The following MYO7A variants were observed in gnomAD, a reference collection of about 807,000 sequenced individuals.
The protein encoded by MYO7A is unconventional myosin-VIIa.
Under a neutral mutation model 263.8 loss-of-function variants are expected in MYO7A, and 210 were observed. The observed-to-expected ratio is 0.80, with a 90% confidence interval of 0.71 to 0.89. MYO7A has a LOEUF of 0.89. Among genes scored for constraint, MYO7A ranks in the 40% least tolerant of loss-of-function variants. The pLI, the probability that MYO7A is intolerant of heterozygous loss-of-function variation, is 0.00. For synonymous variants in MYO7A, 1,239 were observed against 1,197.3 expected (o/e 1.03, Z -0.72); for missense variants, 2,820 against 2,968.3 (o/e 0.95, Z 1.16).
chr11:77,172,802 C>A lies in MYO7A; in HGVS notation c.1852C>A (p.Leu618Met). ...ACTTAGCAGCCAGTTCAAGCGGTCA[C>A]TGGAGCTGCTGATGCGCACGCTGGG... ...PTLSSQFKRS[L>M]ELLMRTLGAC... The change falls in exon 16 of 49, where the codon CTG becomes ATG. Residue 618 changes from leucine to methionine, a missense_variant. Coordinates refer to ENST00000409709, the MANE Select transcript of MYO7A (RefSeq NM_000260.4). The A allele has an allele frequency of 6.4e-7, 1 of 1,556,702 alleles. No homozygotes were observed. The highest frequency in any genetic ancestry group is 8.7e-7 in the Non-Finnish European group (1 of 1,150,304).
chr11:77,133,270 G>A (rs1291907747), intron 2 of MYO7A, among the ~76,000 whole-genome samples: 1 of 152,168 alleles, frequency 6.6e-6, no homozygotes, highest in Non-Finnish European at 1.5e-5. Flanking sequence ...GCGCACCTGT[G>A]TGGCACACCT....
At chr11:77,183,930 A>G (rs570686831) in intron 26 of MYO7A, among the ~76,000 whole-genome samples, 3 of 152,292 alleles carry the variant, frequency 2.0e-5, no homozygotes, top group African/African-American at 7.2e-5. Context: ...CAAGGGACCC[A>G]GGGAAGAAAA....
chr11:77,204,586 G>A (rs764090651), intron 39 of MYO7A, among the ~76,000 whole-genome samples: 4 of 152,208 alleles, frequency 2.6e-5, no homozygotes, highest in Non-Finnish European at 4.4e-5. Context: ...AGGCTGGGCC[G>A]GCTGTCAGCT....
Position 77,172,847 on chromosome 11 carries a change from G to T in MYO7A, c.1897G>T (p.Val633Leu). ...RTLGACQPFF[V>L]RCIKPNEFKK... Reference sequence around the variant, plus strand: ...GCTGGGTGCCTGCCAGCCCTTCTTTGTGCGATGCATCAAGCCCAATGAGTT... The same window carrying T: ...GCTGGGTGCCTGCCAGCCCTTCTTTTTGCGATGCATCAAGCCCAATGAGTT... The change falls in exon 16 of 49, where the codon GTG becomes TTG. Residue 633 changes from valine to leucine, a missense_variant. Transcript: ENST00000409709. 3 of 1,552,266 alleles carry T rather than the reference G, an allele frequency of 1.9e-6. No individual in the cohort carries two copies. The highest frequency in any genetic ancestry group is 2.6e-6 in the Non-Finnish European group (3 of 1,147,372).
At chr11:77,202,276 AG>A (rs1271188033) in intron 36 of MYO7A, 23 bp from the exon 37 acceptor site, 1 of 1,569,380 alleles carries the variant, frequency 6.4e-7, no homozygotes, top group Non-Finnish European at 8.7e-7. Flanking sequence ...AGCTGACCTG[AG>A]CCCCCTGTCT....
Position 77,156,659 on chromosome 11 carries a change from G to A in MYO7A, c.471-1G>A, listed in dbSNP as rs548172627. ...GGTCCTGCCACTCCCTCCCTCTGCA[G>A]TGGGGAATCTGGGGCCGGGAAGACG... On this transcript the variant is annotated splice_acceptor_variant, in intron 5 of 48. Transcript: ENST00000409709. LOFTEE classifies it high-confidence loss of function. 2 of 1,613,798 alleles carry A rather than the reference G, an allele frequency of 1.2e-6. No individual in the cohort carries two copies. Among genetic ancestry groups the A allele is most frequent in the Admixed American group, 1.7e-5 (1 of 60,022 alleles).
At chr11:77,192,337 G>A (rs894724953) in intron 31 of MYO7A, 59 bp downstream of exon 31, 83 of 1,543,298 alleles carry the variant, frequency 5.4e-5, no homozygotes, top group Non-Finnish European at 6.9e-5. Context: ...TGCTTTCCAC[G>A]TTTGGGCTGA....
At position 77,162,410 on chromosome 11, in the gene MYO7A, A is replaced by T. The variant is rs530037336; in HGVS notation, c.1554+80A>T. 11 of 1,351,186 alleles carry T rather than the reference A, an allele frequency of 8.1e-6. No homozygotes were observed. The South Asian group carries it at 1.4e-4, about 17-fold the overall frequency. 83.7% of individuals were successfully genotyped at this position (1,351,186 alleles called of 1,614,324 possible). A position where few individuals can be genotyped will look rare whatever the true frequency, so the allele number is the denominator to read the frequency against. ...CCTGCTTTGAGCCCCGGCTTTCCTC[A>T]TCTGCAAAATAGGACTAATGATACC... On this transcript the variant is annotated intron_variant, in intron 13 of 48. Coordinates refer to ENST00000409709, the MANE Select transcript of MYO7A (RefSeq NM_000260.4).
rs121965081 is a variant in MYO7A, at chr11:77,157,000, G to A, written c.731G>A (p.Arg244His). The change falls in exon 7 of 49, where the codon CGC (arginine) becomes CAC (histidine). Residue 244 changes from arginine (R) to histidine (H), a missense_variant. Coordinates refer to ENST00000409709, the MANE Select transcript of MYO7A (RefSeq NM_000260.4). ...QYLLEKSRVCRQALDERNYHV... is the reference protein window; with the variant it reads ...QYLLEKSRVCHQALDERNYHV... ...CTGCTGGAAAAGTCACGTGTCTGTC[G>A]CCAGGTGGGCCTGAGCCCCAGGGAT... 695 of 1,612,286 alleles carry A rather than the reference G, an allele frequency of 4.3e-4. 1 individual carries two copies. The highest frequency in any genetic ancestry group is 5.6e-4 in the Non-Finnish European group (666 of 1,179,286).
chr11:77,205,653 G>A (rs1957399169), intron 40 of MYO7A, 36 bp downstream of exon 40: 1 of 1,610,746 alleles, frequency 6.2e-7, no homozygotes, highest in African/African-American at 1.3e-5. Context: ...CAGACACTGG[G>A]GCGGGCTCCT....
At chr11:77,191,895 A>AG (rs1216936461) in intron 30 of MYO7A, among the ~76,000 whole-genome samples, 156 bp from the exon 31 acceptor site, 1 of 152,232 alleles carries the variant, frequency 6.6e-6, no homozygotes, top group African/African-American at 2.4e-5. Flanking sequence ...CTTAGAGCCC[A>AG]GGGCTAGAAT....
chr11:77,189,080 G>A (rs553319114), intron 27 of MYO7A, among the ~76,000 whole-genome samples: 5 of 152,286 alleles, frequency 3.3e-5, no homozygotes, highest in South Asian at 4.1e-4. Flanking sequence ...AGCAGGATAC[G>A]CACCACCCTG....
chr11:77,208,821 CTA>C lies in MYO7A; in HGVS notation c.6051+19_6051+20del, dbSNP rs770539705. Reference sequence around the variant, plus strand: ...ATTACCAGGTGGGCACCTCTGCACTCTAGTTGCCTTCGTGCACAGCTAGCGTT... The same window carrying C: ...ATTACCAGGTGGGCACCTCTGCACTCGTTGCCTTCGTGCACAGCTAGCGTT... On this transcript the variant is annotated intron_variant, in intron 44 of 48. Coordinates refer to ENST00000409709, the MANE Select transcript of MYO7A (RefSeq NM_000260.4). 8.0e-6 allele frequency: 12 copies of C among 1,506,648 alleles called. No individual in the cohort carries two copies. The African/African-American group carries it at 1.7e-4, about 21-fold the overall frequency. The allele number at this position is 1,506,648 out of a possible 1,614,324, so 93.3% of individuals were successfully genotyped here.
rs1950988727 is a variant in MYO7A, at chr11:77,138,264, G to A, written c.19-4445G>A. Among the ~76,000 whole-genome samples, 1 of 143,400 alleles carries A rather than the reference G, an allele frequency of 7.0e-6. No individual in the cohort carries two copies. Among genetic ancestry groups the A allele is most frequent in the Admixed American group, 6.9e-5 (1 of 14,472 alleles). 94.1% of individuals were successfully genotyped at this position (143,400 alleles called of 152,430 possible). ...GGGCGGGCGGCGCGCACGGGATTAGGTGAATTAGGGAGCCGGAGCAGTGCC... is the reference window on the plus strand; with the variant it reads ...GGGCGGGCGGCGCGCACGGGATTAGATGAATTAGGGAGCCGGAGCAGTGCC... On this transcript the variant is annotated intron_variant, in intron 2 of 48. Coordinates refer to ENST00000409709, the MANE Select transcript of MYO7A (RefSeq NM_000260.4). This position sits in a 1 kb window ranked among gnomAD's most constrained non-coding sequence, Gnocchi z 4.9.
chr11:77,213,778 A>G (rs1958006688), intron 47 of MYO7A, 82 bp from the exon 48 acceptor site: 1 of 1,597,942 alleles, frequency 6.3e-7, no homozygotes, highest in Non-Finnish European at 8.6e-7. Context: ...TGAGGGCCTG[A>G]GGCCTTCTGT....
Position 77,192,284 on chromosome 11 carries a change from TG to T in MYO7A, c.4152+9del. ...GGGAGTACAGGTGTGAGAAGGTGAG[TG>T]GGAGGGAATCTTCCGCCAGGCTGGC... On this transcript the variant is annotated splice_region_variant and intron_variant, in intron 31 of 48. Transcript: ENST00000409709. 6.2e-7 allele frequency: 1 copy of T among 1,612,160 alleles called. No individual in the cohort carries two copies. Among genetic ancestry groups the T allele is most frequent in the Non-Finnish European group, 8.5e-7 (1 of 1,178,396 alleles).
At chr11:77,173,083 G>T (rs879954838) in intron 16 of MYO7A, among the ~76,000 whole-genome samples, 198 bp downstream of exon 16, 5 of 135,260 alleles carry the variant, frequency 3.7e-5, no homozygotes, top group Non-Finnish European at 8.5e-5. Flanking sequence ...TAGACTCTGC[G>T]GGGGGTTGCA....
At chr11:77,184,982 A>G in intron 27 of MYO7A, 1 of 660,394 alleles carries the variant, frequency 1.5e-6, no homozygotes, top group Non-Finnish European at 2.7e-6. Context: ...CACAATAAAG[A>G]GAGCTGCAGA....
intron 19 of MYO7A, 113 bp from the exon 20 acceptor site, chr11:77,178,932 A>T: frequency 1.3e-6 from 1 of 787,068 alleles, no homozygotes; most frequent in Non-Finnish European, 2.2e-6. Flanking sequence ...GCCCAAGGTC[A>T]TATAGCTAGG....
Sources: gnomAD v4.1 joint callset for allele counts (sites outside exome capture counted in the v4.1 genomes callset) on GRCh38, gnomAD v4.1.1 for gene constraint, Gnocchi (gnomAD v3.1) non-coding constraint, MANE v1.5 for transcripts, NCBI Gene and HGNC (gene_info 2026-07-23, HGNC 2026-07-21) for gene names.